Variants in GPAM observed in about 807,000 individuals in gnomAD.
GPAM encodes the protein glycerol-3-phosphate acyltransferase 1, mitochondrial.
In GPAM, 56 loss-of-function variants were observed where a neutral mutation model predicts 105.0. The ratio of observed to expected loss-of-function variants is 0.53; its 90% confidence interval spans 0.43 to 0.67. The LOEUF is 0.67. GPAM is among the 30% of genes least tolerant of loss of function. The pLI, the probability that GPAM is intolerant of heterozygous loss-of-function variation, is 0.00. For synonymous variants in GPAM, 368 were observed against 354.4 expected (o/e 1.04, Z -0.43); for missense variants, 855 against 989.8 (o/e 0.86, Z 1.83).
intron 14 of GPAM, among the ~76,000 whole-genome samples, chr10:112,162,747 T>G (rs1847144815): frequency 6.6e-6 from 1 of 152,058 alleles, no homozygotes; most frequent in Non-Finnish European, 1.5e-5. Flanking sequence ...AAAAAATATT[T>G]TTAGAGACTA....
the GPAM span, among the ~76,000 whole-genome samples, chr10:112,221,680 AC>A: frequency 0.042 from 6,373 of 152,230 alleles, 296 homozygotes; most frequent in African/African-American, 0.12. Context: ...GTCATTGTAT[AC>A]CCCAGAACAG....
the GPAM span, among the ~76,000 whole-genome samples, chr10:112,225,257 G>A: frequency 6.6e-6 from 1 of 152,202 alleles, no homozygotes; most frequent in African/African-American, 2.4e-5. Flanking sequence ...CAAAATCCCA[G>A]AGGAGAGCCC....
intron 5 of GPAM, among the ~76,000 whole-genome samples, chr10:112,176,067 A>C (rs1267713527): frequency 1.3e-5 from 2 of 152,244 alleles, no homozygotes; most frequent in East Asian, 3.8e-4. Flanking sequence ...ATTCTGATAA[A>C]CCATACAGCT....
chr10:112,212,466 T>A (rs897962703), intron 1 of GPAM, among the ~76,000 whole-genome samples: 3 of 152,126 alleles, frequency 2.0e-5, no homozygotes, highest in Admixed American at 6.5e-5. Flanking sequence ...GATTTCACCA[T>A]GTTAGCCAGG....
the GPAM span, among the ~76,000 whole-genome samples, chr10:112,222,565 C>T: frequency 1.3e-5 from 2 of 152,126 alleles, no homozygotes; most frequent in East Asian, 1.9e-4. Flanking sequence ...CTCAGAGCAC[C>T]CTGCACACAT....
intron 3 of GPAM, 67 bp downstream of exon 3, chr10:112,181,616 C>A: frequency 1.1e-6 from 1 of 870,648 alleles, no homozygotes; most frequent in Non-Finnish European, 2.0e-6. Flanking sequence ...AGTATTTGCA[C>A]CTTCATAAAC....
At chr10:112,218,617 A>G (rs1490919312), upstream of GPAM, among the ~76,000 whole-genome samples, 1 of 152,360 alleles carries the variant, frequency 6.6e-6, no homozygotes, top group Admixed American at 6.5e-5. Context: ...AAGTAAAGAA[A>G]CAAATGAACA....
upstream of GPAM, among the ~76,000 whole-genome samples, chr10:112,184,255 A>C (rs999409278): frequency 5.9e-5 from 9 of 152,222 alleles, no homozygotes; most frequent in Non-Finnish European, 1.0e-4. Flanking sequence ...TAGTATAAAA[A>C]GCCTCAGTTA....
upstream of GPAM, among the ~76,000 whole-genome samples, chr10:112,217,039 C>T (rs961479838): frequency 3.3e-5 from 5 of 152,074 alleles, no homozygotes; most frequent in African/African-American, 4.8e-5. Context: ...CCATTTAAAG[C>T]GTATATATAG....
chr10:112,219,019 G>C (rs1847996552), upstream of GPAM, among the ~76,000 whole-genome samples: 1 of 152,160 alleles, frequency 6.6e-6, no homozygotes, highest in South Asian at 2.1e-4. Flanking sequence ...ATCTCGTTCT[G>C]TGGCTAAGAA....
chr10:112,195,619 A>C lies in GPAM; in HGVS notation n.211-12728T>G, dbSNP rs114570606. ...GGAATGACCATAATTATAACTAAAT[A>C]CTTAATTGTAGAATTAATCATTTAA... On this transcript the variant is annotated intron_variant and non_coding_transcript_variant, in intron 1 of 3. Transcript: ENST00000480130. 7.1e-3 allele frequency among the ~76,000 whole-genome samples: 1,075 copies of C among 152,344 alleles called. 12 individuals are homozygous for C. Among genetic ancestry groups the C allele is most frequent in the African/African-American group, 0.025 (1,023 of 41,576 alleles).
intron 6 of GPAM, 39 bp downstream of exon 6, chr10:112,175,561 C>G: frequency 9.5e-7 from 1 of 1,050,252 alleles, no homozygotes. Flanking sequence ...ACCGCCCATC[C>G]CTGCCTCTTC....
At chr10:112,156,967 T>C in intron 19 of GPAM, 1 of 582,276 alleles carries the variant, frequency 1.7e-6, no homozygotes, top group South Asian at 2.1e-5. Context: ...GGGGTGCAGG[T>C]GTAGGTAAAC....
chr10:112,160,941 A>G, intron 15 of GPAM, 73 bp from the exon 16 acceptor site: 1 of 1,348,788 alleles, frequency 7.4e-7, no homozygotes, highest in African/African-American at 1.4e-5. Context: ...CCAACATTCC[A>G]AGACTTTCTT....
At chr10:112,169,051 C>T (rs1847268994) in intron 9 of GPAM, 99 bp from the exon 10 acceptor site, 2 of 800,958 alleles carry the variant, frequency 2.5e-6, no homozygotes, top group East Asian at 5.0e-5. Context: ...GGATACAAGC[C>T]ATATGTGCCG....
upstream of GPAM, among the ~76,000 whole-genome samples, chr10:112,187,072 T>TA (rs1847604758): frequency 6.6e-6 from 1 of 152,160 alleles, no homozygotes; most frequent in Non-Finnish European, 1.5e-5. Flanking sequence ...CTAAAGCAAC[T>TA]ACTATGAAAG....
chr10:112,184,714 A>G (rs971799421), upstream of GPAM, among the ~76,000 whole-genome samples: 1 of 152,238 alleles, frequency 6.6e-6, no homozygotes, highest in Non-Finnish European at 1.5e-5. Context: ...TAGAGGGAGC[A>G]GCCAAAAAGA....
At chr10:112,173,588 A>G in intron 7 of GPAM, 111 bp downstream of exon 7, 7 of 1,077,924 alleles carry the variant, frequency 6.5e-6, no homozygotes, top group Non-Finnish European at 1.0e-5. Flanking sequence ...AGGATTCATT[A>G]AAACATCTTT....
At chr10:112,189,321 G>A (rs1847629466) in intron 1 of GPAM, among the ~76,000 whole-genome samples, 1 of 152,028 alleles carries the variant, frequency 6.6e-6, no homozygotes, top group South Asian at 2.1e-4. Flanking sequence ...CCAACCTATT[G>A]TAGAGACAGC....
Sources: allele counts gnomAD v4.1 joint callset (sites outside exome capture counted in the v4.1 genomes callset), GRCh38; gene constraint gnomAD v4.1.1; transcripts MANE v1.5; gene names NCBI Gene and HGNC (gene_info 2026-07-23, HGNC 2026-07-21).